CMTR1: variants seen among roughly 807,000 people sequenced by gnomAD.
CMTR1 encodes the protein cap methyltransferase 1.
A neutral mutation model predicts 107.0 loss-of-function variants in CMTR1; 39 were observed. That is an observed-to-expected ratio of 0.36 (90% CI 0.28 to 0.48). The LOEUF is 0.48. CMTR1 is among the 20% of genes least tolerant of loss of function. The probability of loss-of-function intolerance (pLI) is 0.99; values close to 1 mark genes in which losing one functional copy is unlikely to be tolerated. For synonymous variants in CMTR1, 366 were observed against 379.5 expected (o/e 0.96, Z 0.41); for missense variants, 672 against 1,064.9 (o/e 0.63, Z 5.14).
intron 8 of CMTR1, among the ~76,000 whole-genome samples, chr6:37,455,767 GA>G (rs1223129101): frequency 6.6e-6 from 1 of 152,204 alleles, no homozygotes; most frequent in Non-Finnish European, 1.5e-5. Flanking sequence ...TGAGGAAGTT[GA>G]TCTGATTGAG....
chr6:37,424,781 C>T, the CMTR1 span, among the ~76,000 whole-genome samples: 3 of 151,788 alleles, frequency 2.0e-5, no homozygotes, highest in African/African-American at 7.3e-5. Context: ...ATGTATTTAC[C>T]TTTACTGTTA....
upstream of CMTR1, among the ~76,000 whole-genome samples, chr6:37,428,623 A>G (rs927542886): frequency 6.6e-6 from 1 of 151,808 alleles, no homozygotes; most frequent in Non-Finnish European, 1.5e-5. Flanking sequence ...GCGCCTGGCT[A>G]ATTTTTGTAT....
intron 19 of CMTR1, 92 bp downstream of exon 19, chr6:37,475,504 G>A: frequency 3.0e-6 from 3 of 1,008,414 alleles, no homozygotes; most frequent in Admixed American, 2.1e-5. Context: ...CCTTATCTAG[G>A]CCTTCTCTGC....
At position 37,458,958 on chromosome 6, in the gene CMTR1, C is replaced by G. The variant is rs1761350810; in HGVS notation, c.976+148C>G. ...CACAGTTCATGTCAGAATCTTGGTTCCCTCTGGACTATCCCTTTTTACCCT... is the reference window on the plus strand; with the variant it reads ...CACAGTTCATGTCAGAATCTTGGTTGCCTCTGGACTATCCCTTTTTACCCT... On this transcript the variant is annotated intron_variant, in intron 9 of 23. Transcript: ENST00000373451. This position sits in a 1 kb window ranked among gnomAD's most constrained non-coding sequence, Gnocchi z 4.7. 5.6e-6 allele frequency: 4 copies of G among 719,140 alleles called. No individual in the cohort carries two copies. The South Asian group carries it at 5.7e-5, about 10-fold the overall frequency. The allele number at this position is 719,140 out of a possible 1,614,324, so 44.5% of individuals were successfully genotyped here. A position where few individuals can be genotyped will look rare whatever the true frequency, so the allele number is the denominator to read the frequency against.
intron 4 of CMTR1, among the ~76,000 whole-genome samples, chr6:37,449,389 A>G (rs920930760): frequency 6.6e-6 from 1 of 152,002 alleles, no homozygotes. Flanking sequence ...GCTCACTGCA[A>G]CCTCTACCTT....
chr6:37,425,719 CTCTT>C, the CMTR1 span, among the ~76,000 whole-genome samples: 2 of 152,124 alleles, frequency 1.3e-5, no homozygotes, highest in African/African-American at 4.8e-5. Flanking sequence ...TCAAGATTCT[CTCTT>C]TGTCTTTCTA....
chr6:37,481,196 AG>A lies in CMTR1; in HGVS notation c.*1056del. 1.4e-6 allele frequency: 1 copy of A among 737,202 alleles called. No homozygotes were observed. Among genetic ancestry groups the A allele is most frequent in the Non-Finnish European group, 1.9e-6 (1 of 534,290 alleles). The allele number at this position is 737,202 out of a possible 1,614,324, so 45.7% of individuals were successfully genotyped here. On this transcript the variant is annotated 3_prime_UTR_variant, in exon 24 of 24. Coordinates refer to ENST00000373451, the MANE Select transcript of CMTR1 (RefSeq NM_015050.3). ...TATCTTGGCCGACAACACAGAGAGG[AG>A]GGGGAGCTGGGCAGTAGCTTGGGGT... is the stretch of plus-strand genomic sequence containing the variant.
At chr6:37,439,891 C>T (rs758996637) in intron 2 of CMTR1, among the ~76,000 whole-genome samples, 5 of 152,146 alleles carry the variant, frequency 3.3e-5, no homozygotes, top group Non-Finnish European at 7.4e-5. Flanking sequence ...AGGTGATCTT[C>T]CTACCTCAGC....
At chr6:37,457,086 G>A (rs1460218145) in intron 8 of CMTR1, among the ~76,000 whole-genome samples, 1 of 151,818 alleles carries the variant, frequency 6.6e-6, no homozygotes, top group Non-Finnish European at 1.5e-5. Flanking sequence ...TGAGCGTGGT[G>A]GTGTGTGTCA....
rs140511314 is a variant in CMTR1 at position 37,437,160 on chromosome 6, G to A, written c.133+1398G>A. On this transcript the variant is annotated intron_variant, in intron 2 of 23. Coordinates refer to ENST00000373451, the MANE Select transcript of CMTR1 (RefSeq NM_015050.3). ...CCTGTGGCCCAGGATTGCTTTGAAT[G>A]GGACCCAACATAAATTTGTAAACTT... Among the ~76,000 whole-genome samples, 273 of 152,054 alleles carry A rather than the reference G, an allele frequency of 1.8e-3. 1 individual carries two copies. The highest frequency in any genetic ancestry group is 6.3e-3 in the African/African-American group (261 of 41,474).
chr6:37,464,488 AAAC>A (rs998804341), intron 13 of CMTR1, among the ~76,000 whole-genome samples: 13 of 151,608 alleles, frequency 8.6e-5, no homozygotes, highest in Admixed American at 7.2e-4. Flanking sequence ...AAAAGATAAA[AAAC>A]GTTTCCATCA....
chr6:37,458,756 T>A lies in CMTR1; in HGVS notation c.922T>A (p.Phe308Ile). 1 of 1,614,144 alleles carries A rather than the reference T, an allele frequency of 6.2e-7. No individual in the cohort carries two copies. Residue 308 changes from phenylalanine (F) to isoleucine (I), a missense_variant, in exon 9 of 24, where the codon TTC (phenylalanine) becomes ATC (isoleucine). Transcript: ENST00000373451. The surrounding 1 kb of genome is among the most constrained non-coding windows in gnomAD (Gnocchi z 4.7). ...AATGACTTTGAAGGGCCCTAATGACTTCAAGCTGGAGGACTTCTACTCTGC... is the reference window on the plus strand; with the variant it reads ...AATGACTTTGAAGGGCCCTAATGACATCAAGCTGGAGGACTTCTACTCTGC... ...FGMTLKGPND[F>I]KLEDFYSASS...
At chr6:37,435,510 GA>G in intron 1 of CMTR1, 113 bp from the exon 2 acceptor site, 1 of 1,114,128 alleles carries the variant, frequency 9.0e-7, no homozygotes, top group Non-Finnish European at 1.3e-6. Context: ...GGCACTGGAA[GA>G]TGTGTAGAAT....
At chr6:37,479,911 TA>T in intron 23 of CMTR1, 101 bp from the exon 24 acceptor site, 1 of 1,183,462 alleles carries the variant, frequency 8.4e-7, no homozygotes, top group Non-Finnish European at 1.1e-6. Flanking sequence ...GAACCTCAAC[TA>T]AAGTCATTGA....
chr6:37,451,418 A>C (rs1761169565), intron 5 of CMTR1, among the ~76,000 whole-genome samples: 1 of 152,148 alleles, frequency 6.6e-6, no homozygotes, highest in Non-Finnish European at 1.5e-5. Context: ...ATTTCTACTC[A>C]TCACAGAGAG....
chr6:37,468,130 C>G (rs1761544938), intron 13 of CMTR1, among the ~76,000 whole-genome samples: 1 of 149,270 alleles, frequency 6.7e-6, no homozygotes, highest in Non-Finnish European at 1.5e-5. Flanking sequence ...TTTTAGTATT[C>G]CTTTTATCTC....
chr6:37,439,792 T>G (rs1368980306), intron 2 of CMTR1, among the ~76,000 whole-genome samples: 1 of 152,226 alleles, frequency 6.6e-6, no homozygotes, highest in Non-Finnish European at 1.5e-5. Context: ...GTCACTGTCA[T>G]TTTTTAAACA....
At chr6:37,445,722 T>C (rs1319515516) in intron 3 of CMTR1, among the ~76,000 whole-genome samples, 2 of 152,050 alleles carry the variant, frequency 1.3e-5, no homozygotes, top group Non-Finnish European at 2.9e-5. Flanking sequence ...CTCTATCTCC[T>C]GACCTCGTGA....
intron 8 of CMTR1, among the ~76,000 whole-genome samples, chr6:37,455,452 A>G (rs538714055): frequency 1.3e-5 from 2 of 152,336 alleles, no homozygotes; most frequent in South Asian, 4.1e-4. Context: ...GGGGAGGAAA[A>G]TAAAGAAGCT....
Sources: gnomAD v4.1 joint callset for allele counts (sites outside exome capture counted in the v4.1 genomes callset) on GRCh38, gnomAD v4.1.1 for gene constraint, Gnocchi (gnomAD v3.1) non-coding constraint, MANE v1.5 for transcripts, NCBI Gene and HGNC (gene_info 2026-07-23, HGNC 2026-07-21) for gene names.